PCBP3: variants seen among roughly 807,000 people sequenced by gnomAD.
PCBP3 encodes poly(rC)-binding protein 3.
A neutral mutation model predicts 52.7 loss-of-function variants in PCBP3; 25 were observed. That is an observed-to-expected ratio of 0.47 (90% CI 0.35 to 0.66). PCBP3 has a LOEUF of 0.66. PCBP3 is among the 30% of genes least tolerant of loss of function. PCBP3 has a pLI of 0.01. For missense variants in PCBP3, 391 were observed against 490.3 expected, an observed-to-expected ratio of 0.80 and a Z score of 1.91; for synonymous variants, 162 against 183.0, an observed-to-expected ratio of 0.89 and a Z score of 0.93.
chr21:45,677,540 C>T (rs548679504), intron 2 of PCBP3, among the ~76,000 whole-genome samples: 1 of 152,322 alleles, frequency 6.6e-6, no homozygotes, highest in African/African-American at 2.4e-5. Flanking sequence ...ATGAAGGTAG[C>T]TACACTAAGG....
Position 45,669,801 on chromosome 21 carries a change from GTGTGTATATATATATATATATATA to G in PCBP3, c.-200+851_-200+874del, listed in dbSNP as rs1254520401. Reference sequence around the variant, plus strand: ...ATAATATTCCATTGTGTGTGTGTGTGTGTGTATATATATATATATATATATATATATATATATATATATATCACA... The same window carrying G: ...ATAATATTCCATTGTGTGTGTGTGTGTATATATATATATATATATATCACA... On this transcript the variant is annotated intron_variant, in intron 2 of 17. Coordinates refer to ENST00000681687, the MANE Select transcript of PCBP3 (RefSeq NM_001384156.1). 4.3e-4 allele frequency among the ~76,000 whole-genome samples: 30 copies of G among 69,050 alleles called. 1 individual carries two copies. Among genetic ancestry groups the G allele is most frequent in the South Asian group, 1.1e-3 (2 of 1,894 alleles). 45.3% of individuals were successfully genotyped at this position (69,050 alleles called of 152,430 possible). A position where few individuals can be genotyped will look rare whatever the true frequency, so the allele number is the denominator to read the frequency against.
intron 4 of PCBP3, among the ~76,000 whole-genome samples, chr21:45,779,737 G>A (rs567159158): frequency 3.3e-5 from 5 of 152,284 alleles, no homozygotes; most frequent in African/African-American, 7.2e-5. Context: ...TACCATGTTC[G>A]TTGTTAAGAT....
intron 4 of PCBP3, among the ~76,000 whole-genome samples, chr21:45,813,700 TC>T (rs1289868284): frequency 6.6e-6 from 1 of 152,254 alleles, no homozygotes; most frequent in East Asian, 1.9e-4. Context: ...TGCCTTGGCC[TC>T]CCAAAGTGCT....
chr21:45,773,528 A>G (rs928208986), intron 4 of PCBP3, among the ~76,000 whole-genome samples: 4 of 152,024 alleles, frequency 2.6e-5, no homozygotes, highest in Non-Finnish European at 5.9e-5. Context: ...TTCACTTTTT[A>G]ATGGGACTAT....
At position 45,805,703 on chromosome 21, in the gene PCBP3, C is replaced by A. The variant is rs1295546650; in HGVS notation, c.-125-44258C>A. Among the ~76,000 whole-genome samples the A allele has an allele frequency of 6.6e-6, 1 of 152,206 alleles. No individual in the cohort carries two copies. The highest frequency in any genetic ancestry group is 1.5e-5 in the Non-Finnish European group (1 of 68,034). On this transcript the variant is annotated intron_variant, in intron 4 of 17. Transcript: ENST00000681687. The surrounding 1 kb of genome is among the most constrained non-coding windows in gnomAD (Gnocchi z 4.6). ...CAGCCGTTGCTGCTGGCAGCTCATCCCTGCACCTGAGCTTGCAGGCATGCT... is the reference window on the plus strand; with the variant it reads ...CAGCCGTTGCTGCTGGCAGCTCATCACTGCACCTGAGCTTGCAGGCATGCT...
intron 9 of PCBP3, among the ~76,000 whole-genome samples, chr21:45,908,819 G>A (rs559300889): frequency 6.6e-6 from 1 of 152,132 alleles, no homozygotes; most frequent in Non-Finnish European, 1.5e-5. Flanking sequence ...GCCCAGGAGG[G>A]TGGGCACAGG....
At chr21:45,875,720 G>A (rs772494277) in intron 5 of PCBP3, among the ~76,000 whole-genome samples, 5 of 152,218 alleles carry the variant, frequency 3.3e-5, no homozygotes, top group Admixed American at 6.5e-5. Flanking sequence ...CCGCTCATTC[G>A]CAGCCTCTCC....
At position 45,754,307 on chromosome 21, in the gene PCBP3, C is replaced by A. The variant is rs570556371; in HGVS notation, c.-161-1110C>A. Among the ~76,000 whole-genome samples, 3 of 152,206 alleles carry A rather than the reference C, an allele frequency of 2.0e-5. No individual in the cohort carries two copies. The South Asian group carries it at 6.2e-4, about 32-fold the overall frequency. On this transcript the variant is annotated intron_variant, in intron 3 of 17. Coordinates refer to ENST00000681687, the MANE Select transcript of PCBP3 (RefSeq NM_001384156.1). ...AGTAAAAAAATTAATGCTGAAAAAA[C>A]AAGAAAACTTTTAAATTATGTCCTG... is the stretch of plus-strand genomic sequence containing the variant.
chr21:45,691,192 A>G (rs535521587), intron 2 of PCBP3, among the ~76,000 whole-genome samples: 124 of 152,062 alleles, frequency 8.2e-4, no homozygotes, highest in African/African-American at 2.9e-3. Context: ...TTCATACAGT[A>G]TGGATTCATC....
intron 13 of PCBP3, among the ~76,000 whole-genome samples, chr21:45,922,845 C>T (rs2074638396): frequency 6.6e-6 from 1 of 152,234 alleles, no homozygotes; most frequent in African/African-American, 2.4e-5. Context: ...AATGGGAGGG[C>T]TTGGCACAGC....
intron 4 of PCBP3, among the ~76,000 whole-genome samples, chr21:45,810,170 A>G (rs1418734017): frequency 6.6e-6 from 1 of 151,484 alleles, no homozygotes; most frequent in Non-Finnish European, 1.5e-5. Context: ...GCAATATATA[A>G]CCAATTTTGC....
intron 1 of PCBP3, among the ~76,000 whole-genome samples, chr21:45,646,544 C>G (rs1250681931): frequency 6.6e-6 from 1 of 152,164 alleles, no homozygotes; most frequent in Non-Finnish European, 1.5e-5. Flanking sequence ...GTCATGGAGG[C>G]TGAGAAGTCT....
intron 4 of PCBP3, among the ~76,000 whole-genome samples, chr21:45,756,850 G>A (rs893187332): frequency 2.0e-5 from 3 of 152,054 alleles, no homozygotes; most frequent in African/African-American, 7.2e-5. Flanking sequence ...CCTTTTTATG[G>A]CTGAATAATA....
Position 45,880,807 on chromosome 21 carries a change from A to G in PCBP3, c.11-15401A>G, listed in dbSNP as rs1156549505. Among the ~76,000 whole-genome samples, 1 of 152,172 alleles carries G rather than the reference A, an allele frequency of 6.6e-6. No individual in the cohort carries two copies. Among genetic ancestry groups the G allele is most frequent in the Admixed American group, 6.5e-5 (1 of 15,286 alleles). On this transcript the variant is annotated intron_variant, in intron 5 of 17. Transcript: ENST00000681687. The surrounding 1 kb of genome is among the most constrained non-coding windows in gnomAD (Gnocchi z 5.4). The stretch of plus-strand genomic sequence containing the variant: ...GAACTCACCCTGTCCCTGCCACGGA[A>G]GCCAGGGAGCCAGCGGGAGGGCAGG...
rs1468535407 is a variant in PCBP3, at chr21:45,821,261, C to T, written c.-125-28700C>T. On this transcript the variant is annotated intron_variant, in intron 4 of 17. Transcript: ENST00000681687. This position sits in a 1 kb window ranked among gnomAD's most constrained non-coding sequence, Gnocchi z 4.4. The stretch of plus-strand genomic sequence containing the variant: ...CCTGGATTCCGCAGGGGCTCCAAGA[C>T]CCTCAGGGTCGCCAGTGACTCCTGG... Among the ~76,000 whole-genome samples the T allele has an allele frequency of 6.6e-6, 1 of 152,090 alleles. No individual in the cohort carries two copies. Among genetic ancestry groups the T allele is most frequent in the Non-Finnish European group, 1.5e-5 (1 of 68,004 alleles).
chr21:45,921,249 T>C lies in PCBP3; in HGVS notation c.717+3620T>C, dbSNP rs149884465. ...ATTTCTTACTATATCAATATAATTA[T>C]AGAATATGTTGTTTTAATTTATAAT... On this transcript the variant is annotated intron_variant, in intron 13 of 17. Coordinates refer to ENST00000681687, the MANE Select transcript of PCBP3 (RefSeq NM_001384156.1). Among the ~76,000 whole-genome samples, 67 of 152,348 alleles carry C rather than the reference T, an allele frequency of 4.4e-4. 1 individual carries two copies. Among genetic ancestry groups the C allele is most frequent in the African/African-American group, 1.3e-3 (53 of 41,584 alleles).
At chr21:45,643,913 G>A (rs1318897520) in intron 1 of PCBP3, 45 bp downstream of exon 1, 1 of 149,044 alleles carries the variant, frequency 6.7e-6, no homozygotes, top group Non-Finnish European at 1.5e-5. Flanking sequence ...GCGCCCTTGC[G>A]GGTTACGGGG....
chr21:45,707,612 T>A (rs1340191020), intron 2 of PCBP3, among the ~76,000 whole-genome samples: 1 of 152,248 alleles, frequency 6.6e-6, no homozygotes, highest in African/African-American at 2.4e-5. Context: ...TGAGCACCTC[T>A]GTCCACACTT....
Position 45,904,275 on chromosome 21 carries a change from C to T in PCBP3, c.339+3162C>T, listed in dbSNP as rs544639068. Among the ~76,000 whole-genome samples, 21 of 152,340 alleles carry T rather than the reference C, an allele frequency of 1.4e-4. No homozygotes were observed. The highest frequency in any genetic ancestry group is 5.1e-4 in the African/African-American group (21 of 41,580). ...GAGGAAGAGCTGAGATGTCTCCAAG[C>T]GCGCAGACTGTATGGCCAAGGAAGC... On this transcript the variant is annotated intron_variant, in intron 9 of 17. Coordinates refer to ENST00000681687, the MANE Select transcript of PCBP3 (RefSeq NM_001384156.1). The surrounding 1 kb of genome is among the most constrained non-coding windows in gnomAD (Gnocchi z 4.8).
Sources: gnomAD v4.1 joint callset for allele counts (sites outside exome capture counted in the v4.1 genomes callset) on GRCh38, gnomAD v4.1.1 for gene constraint, Gnocchi (gnomAD v3.1) non-coding constraint, MANE v1.5 for transcripts, NCBI Gene and HGNC (gene_info 2026-07-23, HGNC 2026-07-21) for gene names.